Variants in ZBTB41 observed in about 807,000 individuals in gnomAD.
The protein encoded by ZBTB41 is zinc finger and BTB domain containing 41.
A neutral mutation model predicts 87.6 loss-of-function variants in ZBTB41; 42 were observed. That is an observed-to-expected ratio of 0.48 (90% CI 0.37 to 0.62). The LOEUF (loss-of-function observed/expected upper bound fraction) is 0.62, where lower values mean the gene tolerates loss of function less well. ZBTB41 is among the 20% of genes least tolerant of loss of function. ZBTB41 has a pLI of 0.00. For synonymous variants in ZBTB41, 364 were observed against 364.0 expected, an observed-to-expected ratio of 1.00 and a Z score of 0.00; for missense variants, 799 against 1,078.9, an observed-to-expected ratio of 0.74 and a Z score of 3.63.
intron 8 of ZBTB41, chr1:197,175,876 A>G (rs1035306984): frequency 1.3e-5 from 2 of 151,922 alleles, no homozygotes; most frequent in East Asian, 3.9e-4. Context: ...GAAAATTACT[A>G]TCTGTTGCAT....
At chr1:197,161,471 T>TTATTGTTAAATAC (rs1251595199) in intron 10 of ZBTB41, among the ~76,000 whole-genome samples, 11 of 152,040 alleles carry the variant, frequency 7.2e-5, no homozygotes, top group Admixed American at 7.2e-4. Flanking sequence ...TTGTTAAATA[T>TTATTGTTAAATAC]TTTGTAGCCC....
At chr1:197,165,539 G>A (rs1192085927) in intron 10 of ZBTB41, among the ~76,000 whole-genome samples, 1 of 151,800 alleles carries the variant, frequency 6.6e-6, no homozygotes, top group African/African-American at 2.4e-5. Context: ...CAACCCGGGA[G>A]GCGGAGCTTG....
Position 197,154,602 on chromosome 1 carries a change from G to T in ZBTB41, c.*4757C>A, listed in dbSNP as rs988237699. 6.6e-6 allele frequency: 1 copy of T among 151,874 alleles called. No individual in the cohort carries two copies. The highest frequency in any genetic ancestry group is 2.4e-5 in the African/African-American group (1 of 41,386). The allele number at this position is 151,874 out of a possible 1,614,324, so 9.4% of individuals were successfully genotyped here. ...TACTTCCAAAGAGAAAGAGCAGAAA[G>T]CATGCTAAGATTATAGGGAAAAGGT... On this transcript the variant is annotated 3_prime_UTR_variant, in exon 11 of 11. Coordinates refer to ENST00000367405, the MANE Select transcript of ZBTB41 (RefSeq NM_194314.3).
rs749338216 is a variant in ZBTB41, at chr1:197,200,491, A to C, written c.-18T>G. On this transcript the variant is annotated 5_prime_UTR_variant, in exon 2 of 11. Transcript: ENST00000367405. Reference sequence around the variant, plus strand: ...TTCTTCATTGCAGTACAGCAATTTCAGAACAAGAAACTTCATAAGTGTCTT... The same window carrying C: ...TTCTTCATTGCAGTACAGCAATTTCCGAACAAGAAACTTCATAAGTGTCTT... 6.5e-7 allele frequency: 1 copy of C among 1,548,028 alleles called. No individual in the cohort carries two copies. The highest frequency in any genetic ancestry group is 2.2e-5 in the East Asian group (1 of 44,450).
In ZBTB41 at chr1:197,159,583, G is replaced by A. The variant is rs748764559; in HGVS notation, c.2506C>T (p.His836Tyr). 1.2e-6 allele frequency: 2 copies of A among 1,613,846 alleles called. No individual in the cohort carries two copies. Among genetic ancestry groups the A allele is most frequent in the South Asian group, 1.1e-5 (1 of 91,082 alleles). The change falls in exon 11 of 11, where the codon CAT becomes TAT. Residue 836 changes from histidine (H) to tyrosine (Y), a missense_variant. This residue lies in a region of ZBTB41 where 171 missense variants were observed against 191.9 expected (regional missense o/e 0.89). Coordinates refer to ENST00000367405, the MANE Select transcript of ZBTB41 (RefSeq NM_194314.3). ...TGTGGCTGTGGTGACAGAATCTCAT[G>A]AGAAGATGGTGGGAGTGTGGTAGTA... ...RHTTTLPPSS[H>Y]EILSPQPQST...
chr1:197,175,174 G>C, intron 8 of ZBTB41, 59 bp from the exon 9 acceptor site: 1 of 1,405,254 alleles, frequency 7.1e-7, no homozygotes. Flanking sequence ...TTTATCCCCA[G>C]AAACAAACTA....
In ZBTB41 at chr1:197,159,612, C is replaced by A. The variant is rs142672193; in HGVS notation, c.2477G>T (p.Arg826Leu). ...AGATGGTGGGAGTGTGGTAGTATGACGCACTAGGTCACTCGGAGTGTCAGG... is the reference window on the plus strand; with the variant it reads ...AGATGGTGGGAGTGTGGTAGTATGAAGCACTAGGTCACTCGGAGTGTCAGG... ...QMPDTPSDLVRHTTTLPPSSH... is the reference protein window; with the variant it reads ...QMPDTPSDLVLHTTTLPPSSH... Residue 826 changes from arginine to leucine, a missense_variant, in exon 11 of 11, where the codon CGT becomes CTT. Transcript: ENST00000367405. The A allele has an allele frequency of 6.2e-7, 1 of 1,613,880 alleles. No individual in the cohort carries two copies. Among genetic ancestry groups the A allele is most frequent in the Non-Finnish European group, 8.5e-7 (1 of 1,179,910 alleles).
rs1659069892 is a variant in ZBTB41 at position 197,156,382 on chromosome 1, T to C, written c.*2977A>G. 1 of 152,222 alleles carries C rather than the reference T, an allele frequency of 6.6e-6. No individual in the cohort carries two copies. The highest frequency in any genetic ancestry group is 2.4e-5 in the African/African-American group (1 of 41,432). 9.4% of individuals were successfully genotyped at this position (152,222 alleles called of 1,614,324 possible). On this transcript the variant is annotated 3_prime_UTR_variant, in exon 11 of 11. Transcript: ENST00000367405. ...ACACATTCCTGCACTTGATAAATTA[T>C]TCAATTTACAGATTAAGTGCTAACT...
intron 5 of ZBTB41, among the ~76,000 whole-genome samples, chr1:197,183,552 G>A (rs1045931380): frequency 2.0e-5 from 3 of 152,136 alleles, no homozygotes; most frequent in African/African-American, 7.2e-5. Flanking sequence ...CTAATCAGTT[G>A]TAAAATATTT....
chr1:197,192,449 T>A (rs1291688290), intron 2 of ZBTB41, among the ~76,000 whole-genome samples: 2 of 152,186 alleles, frequency 1.3e-5, no homozygotes. Flanking sequence ...AGAACTGTTG[T>A]AATAATAAAC....
intron 10 of ZBTB41, among the ~76,000 whole-genome samples, chr1:197,160,456 T>A (rs1365006355): frequency 2.6e-5 from 4 of 152,146 alleles, no homozygotes; most frequent in Non-Finnish European, 5.9e-5. Context: ...ACATCTGATT[T>A]TCTCCCCCAC....
At chr1:197,175,180 A>T in intron 8 of ZBTB41, 65 bp from the exon 9 acceptor site, 1 of 1,340,652 alleles carries the variant, frequency 7.5e-7, no homozygotes. Flanking sequence ...CCCAGAAACA[A>T]ACTATCAAAC....
chr1:197,180,688 C>A (rs552583378), intron 6 of ZBTB41, among the ~76,000 whole-genome samples: 1 of 148,546 alleles, frequency 6.7e-6, no homozygotes, highest in Non-Finnish European at 1.5e-5. Flanking sequence ...CATTTCTGTT[C>A]TCCCTATCTT....
intron 2 of ZBTB41, among the ~76,000 whole-genome samples, chr1:197,192,564 A>C (rs1660062675): frequency 6.6e-6 from 1 of 152,220 alleles, no homozygotes; most frequent in Non-Finnish European, 1.5e-5. Flanking sequence ...GAATATGCAC[A>C]TCTAGTAATT....
In ZBTB41 at chr1:197,191,719, T is replaced by C. The variant is rs1385070871; in HGVS notation, c.1301A>G (p.Lys434Arg). 1 of 1,613,218 alleles carries C rather than the reference T, an allele frequency of 6.2e-7. No homozygotes were observed. Among genetic ancestry groups the C allele is most frequent in the Non-Finnish European group, 8.5e-7 (1 of 1,179,680 alleles). Residue 434 changes from lysine (K) to arginine (R), a missense_variant, in exon 3 of 11, where the codon AAG (lysine) becomes AGG (arginine). Physicochemically the swap from Lys to Arg is conservative, Grantham distance 26 (BLOSUM62 2). Around this residue, in one of 5 missense-constraint regions of ZBTB41, gnomAD observed 294 missense variants for 340.1 expected, o/e 0.86. Coordinates refer to ENST00000367405, the MANE Select transcript of ZBTB41 (RefSeq NM_194314.3). ...CTTAACATGCTTGGCTAAAGTCTTC[T>C]TGCTTGCATGAAGTTTATTACAATA... ...CPYCNKLHAS[K>R]KTLAKHVKRF...
chr1:197,189,575 T>C (rs1659974311), intron 4 of ZBTB41, among the ~76,000 whole-genome samples: 1 of 151,974 alleles, frequency 6.6e-6, no homozygotes, highest in African/African-American at 2.4e-5. Flanking sequence ...TTAGAGGTAC[T>C]GTAGAATAAA....
chr1:197,171,488 T>C (rs1019462287), intron 10 of ZBTB41, among the ~76,000 whole-genome samples: 1 of 152,034 alleles, frequency 6.6e-6, no homozygotes, highest in Admixed American at 6.6e-5. Flanking sequence ...AATGGGCTTG[T>C]TTCTTAAGGA....
At chr1:197,171,956 A>G (rs1169153294) in intron 10 of ZBTB41, among the ~76,000 whole-genome samples, 1 of 151,894 alleles carries the variant, frequency 6.6e-6, no homozygotes, top group East Asian at 1.9e-4. Context: ...AAAGTATTGA[A>G]GCTTACATAA....
At chr1:197,195,173 T>G (rs1193302493) in intron 2 of ZBTB41, among the ~76,000 whole-genome samples, 1 of 152,216 alleles carries the variant, frequency 6.6e-6, no homozygotes, top group Non-Finnish European at 1.5e-5. Context: ...CACAGAATAT[T>G]AAACTACACC....
Sources: allele counts gnomAD v4.1 joint callset (sites outside exome capture counted in the v4.1 genomes callset), GRCh38; gene constraint gnomAD v4.1.1; regional missense constraint gnomAD v4.1.1; transcripts MANE v1.5; gene names NCBI Gene and HGNC (gene_info 2026-07-23, HGNC 2026-07-21).